The following PPP1R12B variants were observed in gnomAD, a reference collection of about 807,000 sequenced individuals.
The protein encoded by PPP1R12B is myosin phosphatase target subunit 2.
A neutral mutation model predicts 126.1 loss-of-function variants in PPP1R12B; 76 were observed. The observed-to-expected ratio is 0.60, with a 90% CI of 0.50 to 0.73. The LOEUF (loss-of-function observed/expected upper bound fraction) is 0.73, where lower values mean the gene tolerates loss of function less well. PPP1R12B is among the 30% of genes least tolerant of loss of function. PPP1R12B has a pLI of 0.00. For synonymous variants in PPP1R12B, 356 were observed against 434.7 expected (o/e 0.82, Z 2.25); for missense variants, 1,052 against 1,205.1 (o/e 0.87, Z 1.88).
intron 2 of PPP1R12B, among the ~76,000 whole-genome samples, chr1:202,417,906 A>C (rs970247830): frequency 1.2e-4 from 18 of 152,178 alleles, no homozygotes; most frequent in African/African-American, 4.1e-4. Context: ...CTGAGTTGCT[A>C]GGTTTGCTGC....
chr1:202,588,865 A>AGATAGATAGAT lies in PPP1R12B; in HGVS notation c.*8313_*8314insGATGATAGATA, dbSNP rs1553332224. The AGATAGATAGAT allele has an allele frequency of 3.4e-5, 5 of 145,938 alleles. No homozygotes were observed. The highest frequency in any genetic ancestry group is 1.1e-4 in the African/African-American group (4 of 36,056). 9.0% of individuals were successfully genotyped at this position (145,938 alleles called of 1,614,324 possible). On this transcript the variant is annotated 3_prime_UTR_variant, in exon 24 of 24. Coordinates refer to ENST00000608999, the MANE Select transcript of PPP1R12B (RefSeq NM_002481.4). ...TAGATAGATAGATAGATAGATAGAT[A>AGATAGATAGAT]GATAGATATCAAGGTTCCAAGCTTC...
rs1464240680 is a variant in PPP1R12B at position 202,428,838 on chromosome 1, C to T, written c.847-17C>T. 6.3e-7 allele frequency: 1 copy of T among 1,599,752 alleles called. No individual in the cohort carries two copies. The highest frequency in any genetic ancestry group is 1.7e-5 in the Admixed American group (1 of 57,696). ...CTTCTGTTTTCTATCAGTCATGGTG[C>T]TCCTTTTCTCTGCCAGGGCCAGACA... On this transcript the variant is annotated splice_polypyrimidine_tract_variant and intron_variant, in intron 5 of 23. Coordinates refer to ENST00000608999, the MANE Select transcript of PPP1R12B (RefSeq NM_002481.4).
At chr1:202,372,666 G>C (rs1270616250) in intron 1 of PPP1R12B, among the ~76,000 whole-genome samples, 1 of 152,018 alleles carries the variant, frequency 6.6e-6, no homozygotes, top group Admixed American at 6.6e-5. Flanking sequence ...CCAGCTACTT[G>C]GGAGGCTGAG....
chr1:202,573,364 G>T (rs1233922022), intron 23 of PPP1R12B, among the ~76,000 whole-genome samples: 1 of 152,060 alleles, frequency 6.6e-6, no homozygotes, highest in African/African-American at 2.4e-5. Context: ...TCAGCAGTTT[G>T]TCTCTGCTTG....
chr1:202,390,743 C>T lies in PPP1R12B; in HGVS notation c.292-26044C>T, dbSNP rs1664025202. On this transcript the variant is annotated intron_variant, in intron 1 of 23. Transcript: ENST00000608999. The stretch of plus-strand genomic sequence containing the variant: ...ATCTTGGCCTCAACTGATCCTCCCA[C>T]CTCAGCCTCCCAAAGTGTTGGGATT... Among the ~76,000 whole-genome samples the T allele has an allele frequency of 2.0e-5, 3 of 151,940 alleles. No homozygotes were observed. In the South Asian group the frequency reaches 6.2e-4, roughly 32 times the overall value.
rs572577366 is a variant in PPP1R12B at position 202,398,297 on chromosome 1, A to G, written c.292-18490A>G. ...CCAAGGACAAAGTGATTCTGATGTCATTATTTCCACAGCAAACAGCTGGGA... is the reference window on the plus strand; with the variant it reads ...CCAAGGACAAAGTGATTCTGATGTCGTTATTTCCACAGCAAACAGCTGGGA... On this transcript the variant is annotated intron_variant, in intron 1 of 23. Coordinates refer to ENST00000608999, the MANE Select transcript of PPP1R12B (RefSeq NM_002481.4). Among the ~76,000 whole-genome samples, 16 of 152,334 alleles carry G rather than the reference A, an allele frequency of 1.1e-4. No individual in the cohort carries two copies. In the South Asian group the frequency reaches 2.7e-3, roughly 26 times the overall value.
At chr1:202,481,590 A>G (rs1677373418) in intron 13 of PPP1R12B, among the ~76,000 whole-genome samples, 1 of 152,072 alleles carries the variant, frequency 6.6e-6, no homozygotes. Flanking sequence ...TTTTCTTTTT[A>G]TTTTAAAATT....
intron 1 of PPP1R12B, among the ~76,000 whole-genome samples, chr1:202,396,614 A>T (rs1278695270): frequency 6.6e-6 from 1 of 152,118 alleles, no homozygotes; most frequent in Non-Finnish European, 1.5e-5. Flanking sequence ...CTTATTTGTT[A>T]TTACTTTTTT....
chr1:202,537,564 G>A (rs1013491665), intron 18 of PPP1R12B, among the ~76,000 whole-genome samples: 2 of 152,162 alleles, frequency 1.3e-5, no homozygotes, highest in African/African-American at 4.8e-5. Context: ...AAAAGAGTTT[G>A]TCATTGTTAC....
chr1:202,451,712 G>C (rs1362881904), intron 13 of PPP1R12B, among the ~76,000 whole-genome samples: 1 of 152,030 alleles, frequency 6.6e-6, no homozygotes, highest in Non-Finnish European at 1.5e-5. Flanking sequence ...GGTGGTGGCC[G>C]GGCAGAGGGG....
At chr1:202,370,816 G>C (rs962259163) in intron 1 of PPP1R12B, among the ~76,000 whole-genome samples, 8 of 152,058 alleles carry the variant, frequency 5.3e-5, no homozygotes, top group Non-Finnish European at 1.0e-4. Flanking sequence ...GGGATTACAG[G>C]CATCAGCCAT....
intron 18 of PPP1R12B, among the ~76,000 whole-genome samples, chr1:202,516,423 A>G (rs1465370372): frequency 2.6e-5 from 4 of 152,224 alleles, no homozygotes; most frequent in African/African-American, 9.6e-5. Flanking sequence ...AGAGCTGAAG[A>G]GTATCTCGTA....
rs1247915553 is a variant in PPP1R12B at position 202,585,188 on chromosome 1, G to C, written c.*4628G>C. 1 of 152,292 alleles carries C rather than the reference G, an allele frequency of 6.6e-6. No homozygotes were observed. Among genetic ancestry groups the C allele is most frequent in the East Asian group, 1.9e-4 (1 of 5,194 alleles). 9.4% of individuals were successfully genotyped at this position (152,292 alleles called of 1,614,324 possible). ...TTTTTGAATTTTTTTGTAGAGATGG[G>C]GTTTTGCCATGTTGCCCAGGCTGGT... is the stretch of plus-strand genomic sequence containing the variant. On this transcript the variant is annotated 3_prime_UTR_variant, in exon 24 of 24. Coordinates refer to ENST00000608999, the MANE Select transcript of PPP1R12B (RefSeq NM_002481.4).
intron 20 of PPP1R12B, among the ~76,000 whole-genome samples, chr1:202,563,419 A>G (rs1197379581): frequency 6.6e-6 from 1 of 152,116 alleles, no homozygotes; most frequent in Non-Finnish European, 1.5e-5. Context: ...GCCCAGCCAT[A>G]TGTTGCTTTT....
intron 1 of PPP1R12B, among the ~76,000 whole-genome samples, chr1:202,396,145 C>CA (rs1027210866): frequency 3.9e-5 from 6 of 151,922 alleles, no homozygotes; most frequent in Non-Finnish European, 5.9e-5. Context: ...ATCACTGCAC[C>CA]AAAAAAACCC....
intron 12 of PPP1R12B, among the ~76,000 whole-genome samples, chr1:202,447,271 A>G (rs1472268779): frequency 6.6e-6 from 1 of 152,252 alleles, no homozygotes; most frequent in Non-Finnish European, 1.5e-5. Flanking sequence ...GAGGAAACTC[A>G]GACCAAATGG....
chr1:202,507,125 T>C (rs1680897629), intron 18 of PPP1R12B, among the ~76,000 whole-genome samples: 1 of 152,186 alleles, frequency 6.6e-6, no homozygotes, highest in East Asian at 1.9e-4. Context: ...TTCTAAAAAT[T>C]CAACCACCAT....
intron 1 of PPP1R12B, among the ~76,000 whole-genome samples, chr1:202,371,858 CTTTTTTTTTTTTTT>C (rs1193939057): frequency 1.3e-5 from 1 of 75,342 alleles, no homozygotes; most frequent in Non-Finnish European, 2.5e-5. Context: ...ATTATAGTTT[CTTTTTTTTTTTTTT>C]TTTTTTTTGG....
At chr1:202,446,626 C>T (rs1252656205) in intron 12 of PPP1R12B, among the ~76,000 whole-genome samples, 2 of 150,006 alleles carry the variant, frequency 1.3e-5, no homozygotes, top group African/African-American at 2.4e-5. Flanking sequence ...ATTACTATAA[C>T]TATTAAGAGC....
Sources: allele counts gnomAD v4.1 joint callset (sites outside exome capture counted in the v4.1 genomes callset), GRCh38; gene constraint gnomAD v4.1.1; transcripts MANE v1.5; gene names NCBI Gene and HGNC (gene_info 2026-07-23, HGNC 2026-07-21).